The following ERICH6B variants were observed in gnomAD, a reference collection of about 807,000 sequenced individuals.
ERICH6B encodes the protein glutamate-rich protein 6B.
In ERICH6B, 69 loss-of-function variants were observed where a neutral mutation model predicts 80.0. That is an observed-to-expected ratio of 0.86 (90% confidence interval 0.71 to 1.05). The LOEUF is 1.05. Ranked by LOEUF, ERICH6B falls within the 50% of genes least tolerant of loss-of-function variation. The pLI is 0.00. For missense variants in ERICH6B, 754 were observed against 796.1 expected, an observed-to-expected ratio of 0.95 and a Z score of 0.64; for synonymous variants, 283 against 291.9, an observed-to-expected ratio of 0.97 and a Z score of 0.31.
Position 45,570,197 on chromosome 13 carries a change from C to G in ERICH6B, c.1051-1746G>C, listed in dbSNP as rs1245065106. On this transcript the variant is annotated intron_variant, in intron 8 of 14. Coordinates refer to ENST00000298738, the MANE Select transcript of ERICH6B (RefSeq NM_182542.3). ...CATGGTAGGTGTATTGGGGACCTCACTGATGAGGTCTCCCATGCCCAGAGA... is the reference window on the plus strand; with the variant it reads ...CATGGTAGGTGTATTGGGGACCTCAGTGATGAGGTCTCCCATGCCCAGAGA... Among the ~76,000 whole-genome samples, 3 of 152,162 alleles carry G rather than the reference C, an allele frequency of 2.0e-5. No individual in the cohort carries two copies. In the East Asian group the frequency reaches 5.8e-4, roughly 29 times the overall value.
intron 3 of ERICH6B, among the ~76,000 whole-genome samples, chr13:45,595,894 C>T (rs1191264790): frequency 6.6e-6 from 1 of 152,114 alleles, no homozygotes; most frequent in Non-Finnish European, 1.5e-5. Context: ...ATCCTCTTGC[C>T]TTGGCCTCCC....
In ERICH6B at chr13:45,541,513, T is replaced by G. The variant is rs1873769774; in HGVS notation, c.2040A>C (p.Ser680=). ...LENFIEAVSI[S]LMDNKYLKKM... ...TCTTCAGGTACTTGTTGTCCATCAG[T>G]GATATACTGACGGCCTCTATGAAGT... Residue 680 remains serine, a synonymous_variant, in exon 15 of 15, where the codon TCA becomes TCC. Coordinates refer to ENST00000298738, the MANE Select transcript of ERICH6B (RefSeq NM_182542.3). 1 of 1,551,986 alleles carries G rather than the reference T, an allele frequency of 6.4e-7. No individual in the cohort carries two copies. The highest frequency in any genetic ancestry group is 1.4e-5 in the African/African-American group (1 of 72,998).
At chr13:45,567,299 T>C (rs1033066317) in intron 9 of ERICH6B, among the ~76,000 whole-genome samples, 13 of 152,182 alleles carry the variant, frequency 8.5e-5, no homozygotes, top group African/African-American at 3.1e-4. Flanking sequence ...GTTAAGACTT[T>C]GGGGGACTGT....
chr13:45,612,787 G>C (rs950598618), intron 1 of ERICH6B, among the ~76,000 whole-genome samples: 1 of 152,176 alleles, frequency 6.6e-6, no homozygotes, highest in Non-Finnish European at 1.5e-5. Context: ...ATTTCAATGG[G>C]GGATCAGGGA....
At chr13:45,588,198 G>A (rs765475961) in intron 4 of ERICH6B, among the ~76,000 whole-genome samples, 5 of 152,218 alleles carry the variant, frequency 3.3e-5, no homozygotes, top group African/African-American at 1.2e-4. Context: ...GGTGAAGGGA[G>A]AGAGCAGAAG....
intron 5 of ERICH6B, among the ~76,000 whole-genome samples, chr13:45,584,911 T>C (rs1875835477): frequency 6.6e-6 from 1 of 152,210 alleles, no homozygotes; most frequent in Non-Finnish European, 1.5e-5. Flanking sequence ...TTTCCCCTCC[T>C]GCACGGATGG....
At chr13:45,554,834 G>A (rs1874370635) in intron 11 of ERICH6B, among the ~76,000 whole-genome samples, 1 of 152,228 alleles carries the variant, frequency 6.6e-6, no homozygotes, top group Non-Finnish European at 1.5e-5. Flanking sequence ...CTGGGTCCTG[G>A]CCTGGAGGGG....
intron 2 of ERICH6B, among the ~76,000 whole-genome samples, chr13:45,606,126 G>A (rs963741315): frequency 1.3e-5 from 2 of 152,098 alleles, no homozygotes; most frequent in African/African-American, 2.4e-5. Context: ...TTAAAAGAAC[G>A]AAGAAATAAT....
intron 2 of ERICH6B, among the ~76,000 whole-genome samples, chr13:45,600,485 T>C (rs1949820315): frequency 6.6e-6 from 1 of 152,238 alleles, no homozygotes; most frequent in South Asian, 2.1e-4. Context: ...ACTCATTAAG[T>C]AATTTCTTGT....
intron 7 of ERICH6B, among the ~76,000 whole-genome samples, chr13:45,575,261 G>A (rs750127074): frequency 2.0e-5 from 3 of 152,210 alleles, no homozygotes; most frequent in Non-Finnish European, 2.9e-5. Context: ...AGAAGGCCAC[G>A]CAGGCAGAAT....
intron 3 of ERICH6B, among the ~76,000 whole-genome samples, chr13:45,596,045 C>A (rs1876354298): frequency 1.3e-5 from 2 of 152,148 alleles, no homozygotes; most frequent in South Asian, 4.1e-4. Context: ...TAAGCAGGTG[C>A]TTTATGTTTA....
Position 45,568,402 on chromosome 13 carries a change from A to G in ERICH6B, c.1100T>C (p.Met367Thr), listed in dbSNP as rs1416510621. The G allele has an allele frequency of 1.9e-6, 3 of 1,549,974 alleles. No individual in the cohort carries two copies. Among genetic ancestry groups the G allele is most frequent in the African/African-American group, 2.7e-5 (2 of 72,972 alleles). The change falls in exon 9 of 15, where the codon ATG (methionine) becomes ACG (threonine). Residue 367 changes from methionine to threonine, a missense_variant. Met to Thr is a moderately conservative substitution (Grantham distance 81). Transcript: ENST00000298738. ...QTVFKTIIKEMAAHNELEEDF... is the reference protein window; with the variant it reads ...QTVFKTIIKETAAHNELEEDF... The stretch of plus-strand genomic sequence containing the variant: ...CTCTTCCAGTTCATTGTGAGCAGCC[A>G]TTTCTTTGATTATTGTTTTAAATAC...
rs545538963 is a variant in ERICH6B at position 45,576,223 on chromosome 13, A to G, written c.962-1293T>C. On this transcript the variant is annotated intron_variant, in intron 7 of 14. Coordinates refer to ENST00000298738, the MANE Select transcript of ERICH6B (RefSeq NM_182542.3). ...ACCCACACTGTCCTGGGGCCTCTCT[A>G]CTTGCAAACCTTCTTCTGCAGCCTT... Among the ~76,000 whole-genome samples the G allele has an allele frequency of 3.3e-5, 5 of 152,110 alleles. No homozygotes were observed. The East Asian group carries it at 9.6e-4, about 29-fold the overall frequency.
At chr13:45,579,859 CTAG>C in intron 7 of ERICH6B, 71 bp downstream of exon 7, 2 of 1,459,284 alleles carry the variant, frequency 1.4e-6, no homozygotes, top group Non-Finnish European at 1.9e-6. Context: ...GAGCCACCTG[CTAG>C]GGGCACCTTC....
chr13:45,598,113 C>T (rs1229968218), intron 2 of ERICH6B, among the ~76,000 whole-genome samples: 1 of 152,166 alleles, frequency 6.6e-6, no homozygotes, highest in Non-Finnish European at 1.5e-5. Flanking sequence ...TTATCTATCC[C>T]CATCCTTCCT....
At chr13:45,607,512 C>A (rs1481661909) in intron 2 of ERICH6B, 52 bp downstream of exon 2, 1 of 152,260 alleles carries the variant, frequency 6.6e-6, no homozygotes, top group Non-Finnish European at 1.5e-5. Flanking sequence ...ACTGTGTAAT[C>A]TTCAAGACAT....
chr13:45,592,383 C>T (rs184871590), intron 3 of ERICH6B, among the ~76,000 whole-genome samples: 2 of 152,296 alleles, frequency 1.3e-5, no homozygotes, highest in East Asian at 3.9e-4. Flanking sequence ...AGTTGGCTGG[C>T]TTTCTCATCT....
chr13:45,561,594 GTC>G (rs1874685755), intron 10 of ERICH6B, 68 bp from the exon 11 acceptor site: 2 of 1,515,746 alleles, frequency 1.3e-6, no homozygotes, highest in Non-Finnish European at 1.8e-6. Flanking sequence ...ACTTAGATCT[GTC>G]TCTCTCAAGG....
At chr13:45,566,603 C>T (rs1278912363) in intron 9 of ERICH6B, among the ~76,000 whole-genome samples, 1 of 152,250 alleles carries the variant, frequency 6.6e-6, no homozygotes, top group Non-Finnish European at 1.5e-5. Context: ...GCAGCTACCA[C>T]ATGATGTTGA....
Sources: gnomAD v4.1 joint callset for allele counts (sites outside exome capture counted in the v4.1 genomes callset) on GRCh38, gnomAD v4.1.1 for gene constraint, MANE v1.5 for transcripts, NCBI Gene and HGNC (gene_info 2026-07-23, HGNC 2026-07-21) for gene names.